The following AHNAK variants were observed in gnomAD, a reference collection of about 807,000 sequenced individuals.
The protein encoded by AHNAK is neuroblast differentiation-associated protein AHNAK.
A neutral mutation model predicts 37.8 loss-of-function variants in AHNAK; 23 were observed. The observed-to-expected ratio is 0.61, with a 90% confidence interval of 0.44 to 0.86. AHNAK has a LOEUF of 0.86. AHNAK is among the 40% of genes least tolerant of loss of function. The pLI is 0.00. For missense variants in AHNAK, 7,411 were observed against 7,319.4 expected (o/e 1.01, Z -0.46); for synonymous variants, 2,481 against 2,636.3 (o/e 0.94, Z 1.80).
intron 5 of AHNAK, among the ~76,000 whole-genome samples, chr11:62,487,881 C>T (rs374912926): frequency 1.3e-5 from 2 of 152,060 alleles, no homozygotes; most frequent in Admixed American, 6.6e-5. Flanking sequence ...CTCACATGCC[C>T]GTGAAGTGAT....
In AHNAK at chr11:62,530,128, G is replaced by A. The variant is rs756385241; in HGVS notation, c.4289C>T (p.Pro1430Leu). The change falls in exon 5 of 5, where the codon CCA becomes CTA. Residue 1430 changes from proline (P) to leucine (L), a missense_variant. Pro to Leu is a moderately conservative substitution (Grantham distance 98). Coordinates refer to ENST00000378024, the MANE Select transcript of AHNAK (RefSeq NM_001620.3). ...TTTGGGACCTTTTAGTTTTGCGTCT[G>A]GACCTTCAATATTCACATCTGGAAC... is the stretch of plus-strand genomic sequence containing the variant. ...AEVPDVNIEGPDAKLKGPKFK... is the reference protein window; with the variant it reads ...AEVPDVNIEGLDAKLKGPKFK... The A allele has an allele frequency of 1.9e-6, 3 of 1,614,080 alleles. No individual in the cohort carries two copies. The East Asian group carries it at 6.7e-5, about 36-fold the overall frequency.
At position 62,533,286 on chromosome 11, in the gene AHNAK, C is replaced by A. The variant is rs201891164; in HGVS notation, c.1131G>T (p.Gly377=). 3.0e-4 allele frequency: 457 copies of A among 1,529,432 alleles called. No individual in the cohort carries two copies. Among genetic ancestry groups the A allele is most frequent in the Non-Finnish European group, 3.5e-4 (395 of 1,142,854 alleles). The allele number at this position is 1,529,432 out of a possible 1,614,324, so 94.7% of individuals were successfully genotyped here. The change falls in exon 5 of 5, where the codon GGG becomes GGT. Residue 377 remains glycine (G), a synonymous_variant. Coordinates refer to ENST00000378024, the MANE Select transcript of AHNAK (RefSeq NM_001620.3). ...GGCCTAGGTCACCCTCAAGTGATGGCCCAGTGATTTGGGGGCCCTTCAGCT... is the reference window on the plus strand; with the variant it reads ...GGCCTAGGTCACCCTCAAGTGATGGACCAGTGATTTGGGGGCCCTTCAGCT... ...EGKLKGPQIT[G]PSLEGDLGLK...
Position 62,517,683 on chromosome 11 carries a change from G to A in AHNAK, c.16734C>T (p.Ala5578=), listed in dbSNP as rs779333052. The change falls in exon 5 of 5, where the codon GCC becomes GCT. Residue 5578 remains alanine (A), a synonymous_variant. Transcript: ENST00000378024. ...GGADVSGGVS[A]PDISLGEGHL... ...GCCCTTCACCAAGGCTGATGTCTGG[G>A]GCACTGACACCCCCTGAAACATCCG... 9.6e-5 allele frequency: 155 copies of A among 1,614,012 alleles called. No individual in the cohort carries two copies. The highest frequency in any genetic ancestry group is 1.2e-4 in the Non-Finnish European group (137 of 1,180,032).
At chr11:62,501,147 G>A (rs552126743) in intron 4 of AHNAK, among the ~76,000 whole-genome samples, 39 of 152,186 alleles carry the variant, frequency 2.6e-4, no homozygotes, top group Admixed American at 2.5e-3. Context: ...AGAAGGTGGA[G>A]TGGCAGATGG....
chr11:62,438,967 G>A (rs7118064), intron 5 of AHNAK, among the ~76,000 whole-genome samples: 12,524 of 152,076 alleles, frequency 0.082, 1,678 homozygotes, highest in African/African-American at 0.29. Context: ...AGCATCAACA[G>A]GTACCACTGC....
In AHNAK at chr11:62,517,919, A is replaced by G. The variant is rs770605733; in HGVS notation, c.16498T>C (p.Ser5500Pro). The change falls in exon 5 of 5, where the codon TCT (serine) becomes CCT (proline). Residue 5500 changes from serine to proline, a missense_variant. Transcript: ENST00000378024. ...GNLQMPGIKS[S>P]GCDVNLPGVN... The stretch of plus-strand genomic sequence containing the variant: ...CCTGGCAGGTTCACATCACATCCAG[A>G]GGACTTAATTCCAGGCATCTGGAGG... 6.2e-7 allele frequency: 1 copy of G among 1,614,188 alleles called. No individual in the cohort carries two copies. Among genetic ancestry groups the G allele is most frequent in the Admixed American group, 1.7e-5 (1 of 60,024 alleles).
In AHNAK at chr11:62,517,735, A is replaced by G. The variant is rs115902975; in HGVS notation, c.16682T>C (p.Leu5561Ser). Residue 5561 changes from leucine to serine, a missense_variant, in exon 5 of 5, where the codon TTG (leucine) becomes TCG (serine). Coordinates refer to ENST00000378024, the MANE Select transcript of AHNAK (RefSeq NM_001620.3). ...ASPESDFGIN[L>S]KGPKIKGGAD... Reference sequence around the variant, plus strand: ...ACCTCCTTTGATTTTTGGGCCCTTCAAGTTGATGCCAAAATCTGACTCAGG... The same window carrying G: ...ACCTCCTTTGATTTTTGGGCCCTTCGAGTTGATGCCAAAATCTGACTCAGG... 17 of 1,614,028 alleles carry G rather than the reference A, an allele frequency of 1.1e-5. No homozygotes were observed. In the East Asian group the frequency reaches 2.0e-4, roughly 19 times the overall value.
Position 62,516,292 on chromosome 11 carries a change from G to A in AHNAK, c.*452C>T. On this transcript the variant is annotated 3_prime_UTR_variant, in exon 5 of 5. Transcript: ENST00000378024. ...GCTGTTTGAACAGATCCAGTCTCAGGAAAGAGGAAGACCTGACCTCCGTCT... is the reference window on the plus strand; with the variant it reads ...GCTGTTTGAACAGATCCAGTCTCAGAAAAGAGGAAGACCTGACCTCCGTCT... The A allele has an allele frequency of 7.8e-7, 1 of 1,289,222 alleles. No homozygotes were observed. The highest frequency in any genetic ancestry group is 1.0e-6 in the Non-Finnish European group (1 of 988,816). The allele number at this position is 1,289,222 out of a possible 1,614,324, so 79.9% of individuals were successfully genotyped here.
At chr11:62,452,684 C>A (rs954845442) in intron 5 of AHNAK, among the ~76,000 whole-genome samples, 3 of 152,160 alleles carry the variant, frequency 2.0e-5, no homozygotes, top group Non-Finnish European at 4.4e-5. Context: ...CACCCTGAGT[C>A]TGAGCTCTTC....
At chr11:62,439,494 C>T (rs1293453520) in intron 5 of AHNAK, among the ~76,000 whole-genome samples, 1 of 152,084 alleles carries the variant, frequency 6.6e-6, no homozygotes, top group Non-Finnish European at 1.5e-5. Flanking sequence ...ACTTTGCAAA[C>T]ACATCCTTCC....
At chr11:62,540,921 G>A (rs1046333800) in intron 1 of AHNAK, among the ~76,000 whole-genome samples, 10 of 152,206 alleles carry the variant, frequency 6.6e-5, no homozygotes, top group African/African-American at 2.4e-4. Context: ...TGGGGACAAC[G>A]CCAAGTAGAC....
Position 62,522,036 on chromosome 11 carries a change from C to G in AHNAK, c.12381G>C (p.Pro4127=), listed in dbSNP as rs141008505. The stretch of plus-strand genomic sequence containing the variant: ...GGTCAACTTCAGGCATAGAGATCTT[C>G]GGTGCCTTGAGGTGCAGGTCAGGCA... The part of the protein sequence containing the change: ...FKMPDLHLKA[P]KISMPEVDLN... Residue 4127 remains proline (P), a synonymous_variant, in exon 5 of 5, where the codon CCG becomes CCC. Coordinates refer to ENST00000378024, the MANE Select transcript of AHNAK (RefSeq NM_001620.3). 3 of 1,613,916 alleles carry G rather than the reference C, an allele frequency of 1.9e-6. No individual in the cohort carries two copies. The highest frequency in any genetic ancestry group is 2.5e-6 in the Non-Finnish European group (3 of 1,179,990).
chr11:62,491,765 C>T (rs1939508179), exon 5 of AHNAK: 1 of 1,612,804 alleles, frequency 6.2e-7, no homozygotes, highest in South Asian at 1.1e-5. Context: ...ACTGCCCCGG[C>T]TTGGCTGCTG....
chr11:62,533,122 G>C lies in AHNAK; in HGVS notation c.1295C>G (p.Pro432Arg). 1 of 1,570,062 alleles carries C rather than the reference G, an allele frequency of 6.4e-7. No individual in the cohort carries two copies. The highest frequency in any genetic ancestry group is 2.2e-5 in the East Asian group (1 of 44,626). The change falls in exon 5 of 5, where the codon CCC (proline) becomes CGC (arginine). Residue 432 changes from proline to arginine, a missense_variant. Transcript: ENST00000378024. ...AGAGAACTTGGGGACTTTCATCTTG[G>C]GCACATTCAGTTTGCTCCCAGGCCC... Reference protein sequence around the residue: ...VQGPGSKLNVPKMKVPKFSVS... With the variant: ...VQGPGSKLNVRKMKVPKFSVS...
intron 5 of AHNAK, among the ~76,000 whole-genome samples, chr11:62,471,458 A>AGCCACCAT (rs1565205416): frequency 6.6e-6 from 1 of 152,218 alleles, no homozygotes; most frequent in Admixed American, 6.5e-5. Flanking sequence ...TACAGGCATA[A>AGCCACCAT]GCCACCATGC....
In AHNAK at chr11:62,519,015, A is replaced by G. The variant is rs889894701; in HGVS notation, c.15402T>C (p.Leu5134=). 1.9e-6 allele frequency: 3 copies of G among 1,613,794 alleles called. No individual in the cohort carries two copies. Among genetic ancestry groups the G allele is most frequent in the Non-Finnish European group, 2.5e-6 (3 of 1,179,892 alleles). ...LSLPAIHVEG[L]DIKAKAPKVK... ...CCTTGGGAGCCTTCGCCTTGATGTC[A>G]AGACCTTCGACGTGAATCGCTGGCA... The change falls in exon 5 of 5, where the codon CTT becomes CTC. Residue 5134 remains leucine (L), a synonymous_variant. Coordinates refer to ENST00000378024, the MANE Select transcript of AHNAK (RefSeq NM_001620.3).
intron 5 of AHNAK, among the ~76,000 whole-genome samples, chr11:62,459,709 C>T (rs1449009641): frequency 6.6e-6 from 1 of 152,118 alleles, no homozygotes; most frequent in Non-Finnish European, 1.5e-5. Flanking sequence ...GCATCATGGT[C>T]CCCTAATCTC....
chr11:62,529,359 A>T lies in AHNAK; in HGVS notation c.5058T>A (p.Asp1686Glu), dbSNP rs772836685. The T allele has an allele frequency of 2.7e-5, 43 of 1,613,940 alleles. 1 individual carries two copies. In the South Asian group the frequency reaches 4.6e-4, roughly 17 times the overall value. ...CCACTTTGGGCCCTTTAATGTCAAC[A>T]TCTGGCACTTTCATTTCACCTTCTA... ...PKVEGEMKVP[D>E]VDIKGPKVDI... The change falls in exon 5 of 5, where the codon GAT becomes GAA. Residue 1686 changes from aspartate (D) to glutamate (E), a missense_variant. By Grantham distance (45) the Asp-to-Glu change is conservative. Coordinates refer to ENST00000378024, the MANE Select transcript of AHNAK (RefSeq NM_001620.3).
chr11:62,527,165 G>A lies in AHNAK; in HGVS notation c.7252C>T (p.Pro2418Ser). Residue 2418 changes from proline (P) to serine (S), a missense_variant, in exon 5 of 5, where the codon CCA (proline) becomes TCA (serine). Coordinates refer to ENST00000378024, the MANE Select transcript of AHNAK (RefSeq NM_001620.3). Reference protein sequence around the residue: ...VPKLEGDLKGPHVDVSGPDID... With the variant: ...VPKLEGDLKGSHVDVSGPDID... ...TCTGGCCCACTGACATCCACATGTG[G>A]CCCTTTAAGGTCCCCTTCCAATTTG... 6.2e-7 allele frequency: 1 copy of A among 1,611,544 alleles called. No homozygotes were observed. Among genetic ancestry groups the A allele is most frequent in the Non-Finnish European group, 8.5e-7 (1 of 1,179,018 alleles).
Sources: gnomAD v4.1 joint callset for allele counts (sites outside exome capture counted in the v4.1 genomes callset) on GRCh38, gnomAD v4.1.1 for gene constraint, MANE v1.5 for transcripts, NCBI Gene and HGNC (gene_info 2026-07-23, HGNC 2026-07-21) for gene names.